IL6: variants seen among roughly 807,000 people sequenced by gnomAD.
IL6 encodes the protein interleukin-6.
A neutral mutation model predicts 18.0 loss-of-function variants in IL6; 5 were observed. The ratio of observed to expected loss-of-function variants is 0.28; its 90% CI spans 0.15 to 0.58. The LOEUF (loss-of-function observed/expected upper bound fraction) is 0.58. Among genes scored for constraint, IL6 ranks in the 20% least tolerant of loss-of-function variants. IL6 has a pLI of 0.90. For missense variants in IL6, 266 were observed against 251.0 expected (o/e 1.06, Z -0.40); for synonymous variants, 97 against 95.1 (o/e 1.02, Z -0.12).
At chr7:22,730,287 T>A (rs182599553) in intron 4 of IL6, 362 of 985,378 alleles carry the variant, frequency 3.7e-4, no homozygotes, top group Middle Eastern at 2.6e-3. Context: ...CTGCCATTTC[T>A]ACTTAAGCCA....
chr7:22,729,919 A>T, intron 4 of IL6: 1 of 1,410,930 alleles, frequency 7.1e-7, no homozygotes, highest in Non-Finnish European at 9.2e-7. Context: ...TCAATTTTTA[A>T]TAGTGCAAGA....
intron 2 of IL6, 172 bp from the exon 3 acceptor site, chr7:22,728,521 T>G: frequency 1.7e-6 from 1 of 594,326 alleles, no homozygotes; most frequent in Non-Finnish European, 3.0e-6. Context: ...AGCTTGGAAC[T>G]GAACCCAAGT....
At chr7:22,730,407 T>C (rs571166016) in intron 4 of IL6, 1 of 375,086 alleles carries the variant, frequency 2.7e-6, no homozygotes, top group East Asian at 1.6e-4. Flanking sequence ...TCTACCAGGC[T>C]TATATCCCTG....
At chr7:22,727,662 G>T in intron 2 of IL6, 28 bp downstream of exon 2, 2 of 1,528,634 alleles carry the variant, frequency 1.3e-6, no homozygotes, top group Non-Finnish European at 1.8e-6. Flanking sequence ...TGGGGTTGAA[G>T]GGCCCGGTGC....
chr7:22,730,364 T>A, intron 4 of IL6: 1 of 881,872 alleles, frequency 1.1e-6, no homozygotes, highest in Non-Finnish European at 1.4e-6. Flanking sequence ...GAGTCTGACT[T>A]AGCAAGCCTC....
At chr7:22,728,397 C>A in intron 2 of IL6, 1 of 364,704 alleles carries the variant, frequency 2.7e-6, no homozygotes. Context: ...TACTGTGTGC[C>A]AGGCACTTTA....
At chr7:22,728,013 T>G (rs959100390) in intron 2 of IL6, among the ~76,000 whole-genome samples, 15 of 152,190 alleles carry the variant, frequency 9.9e-5, no homozygotes. Context: ...TCAGAGCAGT[T>G]GCAGTACTTT....
Position 22,731,678 on chromosome 7 carries a change from T to C in IL6, c.*105T>C. The C allele has an allele frequency of 1.6e-6, 1 of 630,962 alleles. No homozygotes were observed. Among genetic ancestry groups the C allele is most frequent in the Non-Finnish European group, 2.4e-6 (1 of 421,456 alleles). 39.1% of individuals were successfully genotyped at this position (630,962 alleles called of 1,614,324 possible). On this transcript the variant is annotated 3_prime_UTR_variant, in exon 5 of 5. Coordinates refer to ENST00000258743, the MANE Select transcript of IL6 (RefSeq NM_000600.5). Reference sequence around the variant, plus strand: ...GTTGTTCTCTATGGAGAACTAAAAGTATGAGCGTTAGGACACTATTTTAAT... The same window carrying C: ...GTTGTTCTCTATGGAGAACTAAAAGCATGAGCGTTAGGACACTATTTTAAT...
At chr7:22,730,272 T>A in intron 4 of IL6, 1 of 985,420 alleles carries the variant, frequency 1.0e-6, no homozygotes, top group Non-Finnish European at 1.2e-6. Context: ...GTGCTGATCC[T>A]GCCTCTGCCA....
chr7:22,729,928 G>C (rs2128174730), intron 4 of IL6: 2 of 1,379,302 alleles, frequency 1.5e-6, no homozygotes, highest in South Asian at 1.8e-5. Context: ...AATAGTGCAA[G>C]AGATTTAAAA....
chr7:22,730,160 G>A (rs1387151680), intron 4 of IL6: 2 of 985,286 alleles, frequency 2.0e-6, no homozygotes, highest in Non-Finnish European at 2.4e-6. Flanking sequence ...CAAAGGCTTT[G>A]GCCACCAGTA....
At chr7:22,729,974 C>T in intron 4 of IL6, 1 of 985,296 alleles carries the variant, frequency 1.0e-6, no homozygotes, top group Non-Finnish European at 1.2e-6. Context: ...AAAGTGCATC[C>T]AACTCCAGCC....
Position 22,729,675 on chromosome 7 carries a change from A to G in IL6, c.471+15A>G. 6.2e-7 allele frequency: 1 copy of G among 1,614,182 alleles called. No individual in the cohort carries two copies. Among genetic ancestry groups the G allele is most frequent in the South Asian group, 1.1e-5 (1 of 91,078 alleles). On this transcript the variant is annotated intron_variant, in intron 4 of 4. Transcript: ENST00000258743. ...TGCAGAAAAAGGTGGGTGTGTCCTCATTCCCTCAACTTGGTGTGGGGGAAG... is the reference window on the plus strand; with the variant it reads ...TGCAGAAAAAGGTGGGTGTGTCCTCGTTCCCTCAACTTGGTGTGGGGGAAG...
Position 22,731,873 on chromosome 7 carries a change from T to C in IL6, c.*300T>C, listed in dbSNP as rs1384827518. 1 of 161,720 alleles carries C rather than the reference T, an allele frequency of 6.2e-6. No individual in the cohort carries two copies. Among genetic ancestry groups the C allele is most frequent in the Non-Finnish European group, 1.3e-5 (1 of 74,764 alleles). The allele number at this position is 161,720 out of a possible 1,614,324, so 10.0% of individuals were successfully genotyped here. A position where few individuals can be genotyped will look rare whatever the true frequency, so the allele number is the denominator to read the frequency against. ...CTTTGTTTCAGAGCCAGATCATTTC[T>C]TGGAAAGTGTAGGCTTACCTCAAAT... On this transcript the variant is annotated 3_prime_UTR_variant, in exon 5 of 5. Transcript: ENST00000258743.
intron 4 of IL6, chr7:22,729,953 G>A: frequency 1.5e-6 from 2 of 1,341,368 alleles, no homozygotes; most frequent in Non-Finnish European, 1.9e-6. Context: ...AGGCGGGGGG[G>A]CGGGCAGAAA....
chr7:22,729,751 C>T (rs1784089969), intron 4 of IL6, 91 bp downstream of exon 4: 3 of 1,604,098 alleles, frequency 1.9e-6, no homozygotes, highest in African/African-American at 2.7e-5. Flanking sequence ...ATGCCACTTC[C>T]AAAAGAGAAG....
At position 22,729,672 on chromosome 7, in the gene IL6, C is replaced by T. The variant is rs770390140; in HGVS notation, c.471+12C>T. On this transcript the variant is annotated intron_variant, in intron 4 of 4. Transcript: ENST00000258743. ...TCCTGCAGAAAAAGGTGGGTGTGTCCTCATTCCCTCAACTTGGTGTGGGGG... is the reference window on the plus strand; with the variant it reads ...TCCTGCAGAAAAAGGTGGGTGTGTCTTCATTCCCTCAACTTGGTGTGGGGG... 3 of 1,614,132 alleles carry T rather than the reference C, an allele frequency of 1.9e-6. No homozygotes were observed. The highest frequency in any genetic ancestry group is 2.2e-5 in the East Asian group (1 of 44,880).
chr7:22,728,564 G>A, intron 2 of IL6, 129 bp from the exon 3 acceptor site: 2 of 637,888 alleles, frequency 3.1e-6, no homozygotes, highest in South Asian at 3.8e-5. Context: ...TGCTTGCCAG[G>A]ATGCCAATGA....
In IL6 at chr7:22,731,358, G is replaced by A. The variant is rs776846134; in HGVS notation, c.472-48G>A. On this transcript the variant is annotated intron_variant, in intron 4 of 4. Transcript: ENST00000258743. ...CCCAGAGCATCCCTCCACTGCAAAG[G>A]ATTTATTCAACATTTAAACAATCCT... 13 of 1,442,338 alleles carry A rather than the reference G, an allele frequency of 9.0e-6. No individual in the cohort carries two copies. The Admixed American group carries it at 1.0e-4, about 11-fold the overall frequency. The allele number at this position is 1,442,338 out of a possible 1,614,324, so 89.3% of individuals were successfully genotyped here.
Sources: allele counts gnomAD v4.1 joint callset (sites outside exome capture counted in the v4.1 genomes callset), GRCh38; gene constraint gnomAD v4.1.1; transcripts MANE v1.5; gene names NCBI Gene and HGNC (gene_info 2026-07-23, HGNC 2026-07-21).